The following FAM107B variants were observed in gnomAD, a reference collection of about 807,000 sequenced individuals.
FAM107B encodes the protein family with sequence similarity 107 member B, also known as protein FAM107B.
Under a neutral mutation model 31.5 loss-of-function variants are expected in FAM107B, and 21 were observed. That is an observed-to-expected ratio of 0.67 (90% CI 0.47 to 0.96). FAM107B has a LOEUF of 0.96. Ranked by LOEUF, FAM107B falls within the 40% of genes least tolerant of loss-of-function variation. The pLI is 0.00. For missense variants in FAM107B, 452 were observed against 377.1 expected, an observed-to-expected ratio of 1.20 and a Z score of -1.64; for synonymous variants, 157 against 141.5, an observed-to-expected ratio of 1.11 and a Z score of -0.78.
At chr10:14,655,179 C>G (rs1422445676) in intron 2 of FAM107B, among the ~76,000 whole-genome samples, 2 of 152,152 alleles carry the variant, frequency 1.3e-5, no homozygotes, top group Non-Finnish European at 2.9e-5. Context: ...AGAGCTCCGT[C>G]AATCCATCAA....
intron 1 of FAM107B, among the ~76,000 whole-genome samples, chr10:14,705,263 G>A (rs767842463): frequency 6.6e-6 from 1 of 152,128 alleles, no homozygotes; most frequent in Non-Finnish European, 1.5e-5. Flanking sequence ...ACACTGCTGG[G>A]GGAACTGTAA....
intron 2 of FAM107B, among the ~76,000 whole-genome samples, chr10:14,626,375 T>G (rs1439320898): frequency 6.6e-6 from 1 of 152,192 alleles, no homozygotes; most frequent in Non-Finnish European, 1.5e-5. Flanking sequence ...CCGGAAATGT[T>G]GGAATTTAGG....
At chr10:14,591,940 T>C (rs147725099) in intron 2 of FAM107B, among the ~76,000 whole-genome samples, 2 of 147,090 alleles carry the variant, frequency 1.4e-5, no homozygotes, top group Non-Finnish European at 3.0e-5. Context: ...GTCAATAGCA[T>C]GGGGGGAAGG....
At chr10:14,772,808 A>C (rs930599485) in intron 1 of FAM107B, among the ~76,000 whole-genome samples, 1 of 152,178 alleles carries the variant, frequency 6.6e-6, no homozygotes, top group South Asian at 2.1e-4. Context: ...ATTTGAATTC[A>C]CATGCTTGCC....
intron 1 of FAM107B, among the ~76,000 whole-genome samples, chr10:14,693,405 G>A (rs1258755104): frequency 1.3e-5 from 2 of 151,274 alleles, no homozygotes. Context: ...TTGAACCCAG[G>A]AGACGGAGGT....
intron 2 of FAM107B, among the ~76,000 whole-genome samples, chr10:14,542,269 C>CAAA (rs147609287): frequency 1.4e-4 from 8 of 55,942 alleles, no homozygotes; most frequent in Non-Finnish European, 2.9e-4. Flanking sequence ...GACTCCATCT[C>CAAA]AAAAAAAAAA....
chr10:14,753,867 A>C (rs1202568093), intron 1 of FAM107B, among the ~76,000 whole-genome samples: 1 of 151,268 alleles, frequency 6.6e-6, no homozygotes, highest in East Asian at 1.9e-4. Context: ...AAATATAACA[A>C]ATACTATGGC....
In FAM107B at chr10:14,774,696, G is replaced by T. The variant is rs748945711; in HGVS notation, c.-33C>A. The T allele has an allele frequency of 6.3e-7, 1 of 1,585,352 alleles. No homozygotes were observed. The highest frequency in any genetic ancestry group is 1.2e-5 in the South Asian group (1 of 86,002). On this transcript the variant is annotated 5_prime_UTR_variant, in exon 1 of 5. Transcript: ENST00000181796. ...AGTGAATCATTGCAAAGTTCAAACG[G>T]GGCAAGGAAATTTTCCAGGGGTCCA...
chr10:14,537,610 C>T (rs143576095), intron 2 of FAM107B, among the ~76,000 whole-genome samples: 145 of 152,186 alleles, frequency 9.5e-4, no homozygotes, highest in African/African-American at 3.4e-3. Context: ...GAGGCCGAGG[C>T]GGGCGGATCA....
chr10:14,640,928 TA>T (rs1418845828), intron 2 of FAM107B, among the ~76,000 whole-genome samples: 1 of 152,230 alleles, frequency 6.6e-6, no homozygotes, highest in African/African-American at 2.4e-5. Flanking sequence ...AAAGAAGTTT[TA>T]ATCTAGATTT....
intron 2 of FAM107B, among the ~76,000 whole-genome samples, chr10:14,662,784 G>C (rs1854280589): frequency 2.0e-5 from 3 of 152,024 alleles, no homozygotes; most frequent in Admixed American, 2.0e-4. Flanking sequence ...AAGGTGTAGA[G>C]GAGGGAACCC....
chr10:14,774,277 T>C lies in FAM107B; in HGVS notation c.387A>G (p.Arg129=). 1 of 1,612,906 alleles carries C rather than the reference T, an allele frequency of 6.2e-7. No homozygotes were observed. The highest frequency in any genetic ancestry group is 8.5e-7 in the Non-Finnish European group (1 of 1,179,144). The change falls in exon 1 of 5, where the codon AGA becomes AGG. Residue 129 remains arginine (R), a synonymous_variant. Coordinates refer to ENST00000181796, the MANE Select transcript of FAM107B (RefSeq NM_031453.4). ...CCTTGGGCGTGTCAATAATTGATGGTCTGGGGATGGAAGCGTGAAACACCA... is the reference window on the plus strand; with the variant it reads ...CCTTGGGCGTGTCAATAATTGATGGCCTGGGGATGGAAGCGTGAAACACCA... ...EAVVFHASIP[R]PSIIDTPKEE... is the part of the protein sequence containing the mutation.
intron 1 of FAM107B, among the ~76,000 whole-genome samples, chr10:14,728,968 T>G (rs1318893290): frequency 2.0e-5 from 3 of 152,164 alleles, no homozygotes; most frequent in Non-Finnish European, 4.4e-5. Flanking sequence ...TGTTCAATTC[T>G]CAACTCTTCA....
intron 1 of FAM107B, among the ~76,000 whole-genome samples, chr10:14,718,456 A>G (rs1855832507): frequency 1.4e-5 from 2 of 145,090 alleles, no homozygotes; most frequent in African/African-American, 5.0e-5. Context: ...AGAAGGAAGA[A>G]AGGAAGGAAG....
intron 1 of FAM107B, among the ~76,000 whole-genome samples, chr10:14,745,617 G>A (rs568934168): frequency 1.5e-4 from 23 of 152,278 alleles, no homozygotes; most frequent in African/African-American, 5.3e-4. Flanking sequence ...GGTTTTGAGT[G>A]AGTTTCTTAA....
intron 2 of FAM107B, among the ~76,000 whole-genome samples, chr10:14,634,414 A>C (rs112197052): frequency 0.12 from 17,647 of 151,586 alleles, 1,282 homozygotes; most frequent in Admixed American, 0.26. Flanking sequence ...AAAAAAAAAA[A>C]AAAATTCAAA....
At chr10:14,710,504 G>T (rs1855621457) in intron 1 of FAM107B, among the ~76,000 whole-genome samples, 1 of 150,336 alleles carries the variant, frequency 6.7e-6, no homozygotes, top group Non-Finnish European at 1.5e-5. Flanking sequence ...CCAATGCTTA[G>T]GCCCTACCCC....
chr10:14,543,703 A>T (rs577912231), intron 2 of FAM107B, among the ~76,000 whole-genome samples: 35 of 151,782 alleles, frequency 2.3e-4, no homozygotes, highest in African/African-American at 8.2e-4. Context: ...AAAAAAAAAA[A>T]AAAAAACCAA....
intron 1 of FAM107B, among the ~76,000 whole-genome samples, chr10:14,686,244 C>A (rs1455040015): frequency 2.0e-5 from 3 of 152,092 alleles, no homozygotes; most frequent in African/African-American, 7.2e-5. Flanking sequence ...CAAAAATTAG[C>A]CGGGCATGTT....
Sources: gnomAD v4.1 joint callset for allele counts (sites outside exome capture counted in the v4.1 genomes callset) on GRCh38, gnomAD v4.1.1 for gene constraint, MANE v1.5 for transcripts, NCBI Gene and HGNC (gene_info 2026-07-23, HGNC 2026-07-21) for gene names.